The following MAGI2 variants were observed in gnomAD, a reference collection of about 807,000 sequenced individuals.
MAGI2 encodes membrane associated guanylate kinase, WW and PDZ domain containing 2.
In MAGI2, 35 loss-of-function variants were observed where a neutral mutation model predicts 133.3. The ratio of observed to expected loss-of-function variants is 0.26; its 90% confidence interval spans 0.20 to 0.35. The LOEUF (loss-of-function observed/expected upper bound fraction) is 0.35. Among genes scored for constraint, MAGI2 ranks in the 10% least tolerant of loss-of-function variants. MAGI2 has a pLI of 1.00. For synonymous variants in MAGI2, 729 were observed against 710.6 expected, an observed-to-expected ratio of 1.03 and a Z score of -0.41; for missense variants, 1,636 against 1,863.4, an observed-to-expected ratio of 0.88 and a Z score of 2.25.
At chr7:78,432,549 C>T (rs1799897180) in intron 6 of MAGI2, among the ~76,000 whole-genome samples, 1 of 151,946 alleles carries the variant, frequency 6.6e-6, no homozygotes, top group Non-Finnish European at 1.5e-5. Context: ...ATAATTATGC[C>T]TTGTTGACTT....
intron 1 of MAGI2, among the ~76,000 whole-genome samples, chr7:79,087,632 C>G (rs1241068215): frequency 2.0e-5 from 3 of 151,636 alleles, no homozygotes; most frequent in African/African-American, 7.3e-5. Flanking sequence ...GTTTTAGGTC[C>G]TACGTTTAAG....
chr7:78,707,603 T>C (rs1818782575), intron 2 of MAGI2, among the ~76,000 whole-genome samples: 1 of 152,122 alleles, frequency 6.6e-6, no homozygotes, highest in Admixed American at 6.6e-5. Flanking sequence ...GATTGTATTT[T>C]ATGTGTATGT....
intron 6 of MAGI2, among the ~76,000 whole-genome samples, chr7:78,460,285 A>C (rs563871406): frequency 3.5e-4 from 53 of 152,240 alleles, no homozygotes; most frequent in Non-Finnish European, 6.6e-4. Context: ...TACGCAGGTC[A>C]CACATGTTCA....
At chr7:79,205,518 A>G (rs542144326) in intron 1 of MAGI2, among the ~76,000 whole-genome samples, 1 of 152,144 alleles carries the variant, frequency 6.6e-6, no homozygotes, top group East Asian at 1.9e-4. Flanking sequence ...AGAAACAGAC[A>G]CTAATATGTA....
At chr7:79,171,864 A>C (rs1387716304) in intron 1 of MAGI2, among the ~76,000 whole-genome samples, 2 of 149,064 alleles carry the variant, frequency 1.3e-5, no homozygotes, top group Non-Finnish European at 3.0e-5. Context: ...TCATCCCAAC[A>C]TACACATCCC....
At chr7:78,209,449 ATGG>A (rs1787543612) in intron 10 of MAGI2, among the ~76,000 whole-genome samples, 3 of 151,100 alleles carry the variant, frequency 2.0e-5, no homozygotes, top group African/African-American at 7.3e-5. Flanking sequence ...TTTAGTAGAG[ATGG>A]GGGTTTCACC....
chr7:78,847,902 T>C (rs1373844782), intron 2 of MAGI2, among the ~76,000 whole-genome samples: 3 of 152,014 alleles, frequency 2.0e-5, no homozygotes, highest in Non-Finnish European at 4.4e-5. Flanking sequence ...ATGTCATCAG[T>C]ATCTGGCATA....
intron 3 of MAGI2, among the ~76,000 whole-genome samples, chr7:78,532,399 T>C (rs949798321): frequency 2.0e-5 from 3 of 152,218 alleles, no homozygotes; most frequent in Non-Finnish European, 4.4e-5. Flanking sequence ...CTTTGCACAG[T>C]CCCTTCTGGG....
chr7:79,240,173 C>T (rs1461851790), intron 1 of MAGI2, among the ~76,000 whole-genome samples: 6 of 151,954 alleles, frequency 3.9e-5, no homozygotes, highest in Non-Finnish European at 1.5e-5. Context: ...ATGAAAACCT[C>T]GCAGGGGAAG....
At chr7:79,349,547 T>C (rs1173343291) in intron 1 of MAGI2, among the ~76,000 whole-genome samples, 1 of 152,002 alleles carries the variant, frequency 6.6e-6, no homozygotes, top group African/African-American at 2.4e-5. Flanking sequence ...GTGGTGCTGT[T>C]ATTACTATTT....
At chr7:78,551,239 A>T (rs1214854753) in intron 3 of MAGI2, among the ~76,000 whole-genome samples, 2 of 152,230 alleles carry the variant, frequency 1.3e-5, no homozygotes, top group African/African-American at 2.4e-5. Context: ...AGCAAGTTGC[A>T]TTGTTAATTA....
intron 1 of MAGI2, among the ~76,000 whole-genome samples, chr7:79,234,908 T>C (rs1048777602): frequency 2.6e-5 from 4 of 152,050 alleles, no homozygotes; most frequent in Non-Finnish European, 4.4e-5. Flanking sequence ...TTCTGTTTTT[T>C]CCCTATCTTT....
At chr7:78,215,364 A>G (rs981774322) in intron 10 of MAGI2, among the ~76,000 whole-genome samples, 1 of 152,134 alleles carries the variant, frequency 6.6e-6, no homozygotes, top group Non-Finnish European at 1.5e-5. Flanking sequence ...TCATTACAGA[A>G]TAAGAGGCTG....
chr7:78,988,885 G>A (rs921730719), intron 2 of MAGI2, among the ~76,000 whole-genome samples: 1 of 152,022 alleles, frequency 6.6e-6, no homozygotes, highest in Non-Finnish European at 1.5e-5. Flanking sequence ...AAGATAAAAG[G>A]CCAAGATAGA....
chr7:79,092,662 T>C (rs972835165), intron 1 of MAGI2, among the ~76,000 whole-genome samples: 1 of 152,202 alleles, frequency 6.6e-6, no homozygotes, highest in African/African-American at 2.4e-5. Flanking sequence ...TGAACAAATT[T>C]TAGGTTGCTA....
At chr7:79,054,741 T>A (rs1294681243) in intron 1 of MAGI2, among the ~76,000 whole-genome samples, 2 of 152,186 alleles carry the variant, frequency 1.3e-5, no homozygotes, top group Non-Finnish European at 2.9e-5. Context: ...TTGGAGTTAG[T>A]TCTGACTCTA....
chr7:78,845,919 G>C (rs935792605), intron 2 of MAGI2, among the ~76,000 whole-genome samples: 13 of 151,858 alleles, frequency 8.6e-5, no homozygotes, highest in African/African-American at 3.1e-4. Flanking sequence ...AAAAGGAGAT[G>C]TGGAAAGATA....
At chr7:78,170,441 ACTCCCCT>A (rs1325324103) in intron 14 of MAGI2, 1 of 152,100 alleles carries the variant, frequency 6.6e-6, no homozygotes, top group Non-Finnish European at 1.5e-5. Flanking sequence ...GATATGAAGT[ACTCCCCT>A]CATTAATTCA....
rs1056191084 is a variant in MAGI2, at chr7:78,893,431, G to A, written c.418+113659C>T. Among the ~76,000 whole-genome samples, 5 of 152,176 alleles carry A rather than the reference G, an allele frequency of 3.3e-5. No homozygotes were observed. The East Asian group carries it at 9.7e-4, about 29-fold the overall frequency. ...TGCTGCTATAAAGACACAGGCACAC[G>A]TATGTTTATTGCGGCACTATTCACA... On this transcript the variant is annotated intron_variant, in intron 2 of 21. Coordinates refer to ENST00000354212, the MANE Select transcript of MAGI2 (RefSeq NM_012301.4).
Sources: gnomAD v4.1 joint callset for allele counts (sites outside exome capture counted in the v4.1 genomes callset) on GRCh38, gnomAD v4.1.1 for gene constraint, MANE v1.5 for transcripts, NCBI Gene and HGNC (gene_info 2026-07-23, HGNC 2026-07-21) for gene names.